Variants in TENM3 observed in about 807,000 individuals in gnomAD.
TENM3 encodes the protein teneurin transmembrane protein 3.
In TENM3, 63 loss-of-function variants were observed where a neutral mutation model predicts 255.1. The ratio of observed to expected loss-of-function variants is 0.25; its 90% CI spans 0.20 to 0.30. The LOEUF is 0.30. Among genes scored for constraint, TENM3 ranks in the 10% least tolerant of loss-of-function variants. The pLI is 1.00. For missense variants in TENM3, 2,929 were observed against 3,461.1 expected (o/e 0.85, Z 3.86); for synonymous variants, 1,306 against 1,322.3 (o/e 0.99, Z 0.27).
the TENM3 span, among the ~76,000 whole-genome samples, chr4:181,543,568 T>C: frequency 6.6e-6 from 1 of 152,200 alleles, no homozygotes; most frequent in Admixed American, 6.5e-5. Context: ...TTTTCTGACT[T>C]TGACAATATT....
chr4:181,830,325 A>G, the TENM3 span, among the ~76,000 whole-genome samples: 1 of 151,956 alleles, frequency 6.6e-6, no homozygotes, highest in Non-Finnish European at 1.5e-5. Flanking sequence ...CTGGAGTGCA[A>G]TGGCACAATC....
At chr4:182,738,674 GA>G in intron 18 of TENM3, 130 bp downstream of exon 18, 4 of 670,538 alleles carry the variant, frequency 6.0e-6, no homozygotes, top group Non-Finnish European at 4.5e-6. Flanking sequence ...AGAAATGGCA[GA>G]AAAAAAATAA....
At chr4:181,927,489 C>T in the TENM3 span, among the ~76,000 whole-genome samples, 1 of 152,236 alleles carries the variant, frequency 6.6e-6, no homozygotes, top group Non-Finnish European at 1.5e-5. Flanking sequence ...GCTCTCTGGG[C>T]AGGGCATCTC....
intron 1 of TENM3, among the ~76,000 whole-genome samples, chr4:182,216,015 G>T (rs1312875259): frequency 1.3e-5 from 2 of 152,150 alleles, no homozygotes; most frequent in African/African-American, 4.8e-5. Flanking sequence ...AGTTTATGGA[G>T]AATTTCTTAT....
intron 1 of TENM3, among the ~76,000 whole-genome samples, chr4:182,153,133 T>C (rs998090306): frequency 2.0e-5 from 3 of 151,972 alleles, no homozygotes; most frequent in African/African-American, 7.2e-5. Flanking sequence ...TAAAAAATAT[T>C]AGTAATCAAA....
chr4:181,887,871 C>T, the TENM3 span, among the ~76,000 whole-genome samples: 5 of 152,150 alleles, frequency 3.3e-5, no homozygotes, highest in East Asian at 3.9e-4. Context: ...ATTGAAAGAC[C>T]TCAAGGATTT....
chr4:182,543,862 G>C (rs1741151773), intron 3 of TENM3, among the ~76,000 whole-genome samples: 2 of 151,760 alleles, frequency 1.3e-5, no homozygotes, highest in African/African-American at 2.4e-5. Flanking sequence ...AATTTTATTA[G>C]GGCTTATTTT....
chr4:182,218,447 A>G lies in TENM3; in HGVS notation c.-76+73693A>G, dbSNP rs1755642881. 2.0e-5 allele frequency among the ~76,000 whole-genome samples: 3 copies of G among 152,208 alleles called. No individual in the cohort carries two copies. In the South Asian group the frequency reaches 6.2e-4, roughly 31 times the overall value. On this transcript the variant is annotated intron_variant, in intron 1 of 2. Transcript: ENST00000512480. ...TGTTAGTAATTGTGCAAATTCATAT[A>G]TTATTGCATTTAAGCTGCCTGATGA...
chr4:181,907,052 C>T, the TENM3 span, among the ~76,000 whole-genome samples: 10 of 151,962 alleles, frequency 6.6e-5, no homozygotes, highest in African/African-American at 1.9e-4. Flanking sequence ...CACATGCCAC[C>T]GCACTCTATT....
chr4:181,449,431 A>C, the TENM3 span, among the ~76,000 whole-genome samples: 1 of 152,212 alleles, frequency 6.6e-6, no homozygotes, highest in African/African-American at 2.4e-5. Flanking sequence ...AAAGTGAGTA[A>C]TAAGAGTATT....
At chr4:182,773,695 A>C in intron 23 of TENM3, 48 bp downstream of exon 23, 1 of 1,545,962 alleles carries the variant, frequency 6.5e-7, no homozygotes, top group Non-Finnish European at 8.8e-7. Context: ...GCACCCAGAC[A>C]GAATGCGGCA....
chr4:182,039,982 AGGAGG>A, the TENM3 span, among the ~76,000 whole-genome samples: 20 of 67,722 alleles, frequency 3.0e-4, no homozygotes, highest in African/African-American at 1.0e-3. Flanking sequence ...GTGAGGCGAT[AGGAGG>A]GGAGGGGAAG....
At chr4:182,236,939 A>G (rs1056695366) in intron 1 of TENM3, among the ~76,000 whole-genome samples, 22 of 152,310 alleles carry the variant, frequency 1.4e-4, no homozygotes, top group African/African-American at 5.3e-4. Context: ...CTATCAAGCC[A>G]TCACCTAGGT....
chr4:182,116,838 T>C, the TENM3 span, among the ~76,000 whole-genome samples: 1 of 152,220 alleles, frequency 6.6e-6, no homozygotes, highest in Non-Finnish European at 1.5e-5. Context: ...TTGCAAGTTT[T>C]GGAGAGTGTG....
intron 1 of TENM3, among the ~76,000 whole-genome samples, chr4:182,221,212 A>C (rs906335724): frequency 6.6e-6 from 1 of 152,248 alleles, no homozygotes; most frequent in Non-Finnish European, 1.5e-5. Context: ...TGTGATAAAC[A>C]AGCGATTTGC....
chr4:181,720,739 A>G, the TENM3 span, among the ~76,000 whole-genome samples: 3 of 152,230 alleles, frequency 2.0e-5, no homozygotes, highest in Non-Finnish European at 4.4e-5. Flanking sequence ...TGAAACAGCC[A>G]AAAGTTATTC....
At chr4:181,493,769 T>C in the TENM3 span, among the ~76,000 whole-genome samples, 13 of 151,932 alleles carry the variant, frequency 8.6e-5, no homozygotes, top group Non-Finnish European at 1.9e-4. Flanking sequence ...TAAAATAAAG[T>C]TATAGAGATA....
At chr4:181,682,367 T>G in the TENM3 span, among the ~76,000 whole-genome samples, 10 of 152,126 alleles carry the variant, frequency 6.6e-5, no homozygotes, top group Non-Finnish European at 1.3e-4. Context: ...CCTTTAAGTA[T>G]GCATCTCTAG....
At chr4:182,030,799 G>A in the TENM3 span, among the ~76,000 whole-genome samples, 2 of 152,134 alleles carry the variant, frequency 1.3e-5, no homozygotes, top group Admixed American at 1.3e-4. Context: ...TTACTCTAAT[G>A]ATCAGTGACG....
Sources: allele counts gnomAD v4.1 joint callset (sites outside exome capture counted in the v4.1 genomes callset), GRCh38; gene constraint gnomAD v4.1.1; transcripts MANE v1.5; gene names NCBI Gene and HGNC (gene_info 2026-07-23, HGNC 2026-07-21).